Variants in DUSP11 observed in about 807,000 individuals in gnomAD.
DUSP11 encodes the protein RNA/RNP complex-1-interacting phosphatase.
Under a neutral mutation model 41.4 loss-of-function variants are expected in DUSP11, and 27 were observed. The ratio of observed to expected loss-of-function variants is 0.65; its 90% CI spans 0.48 to 0.90. The LOEUF (loss-of-function observed/expected upper bound fraction) is 0.90. Among genes scored for constraint, DUSP11 ranks in the 40% least tolerant of loss-of-function variants. The probability of loss-of-function intolerance (pLI) is 0.00; values close to 1 mark genes in which losing one functional copy is unlikely to be tolerated. For synonymous variants in DUSP11, 188 were observed against 159.3 expected (o/e 1.18, Z -1.35); for missense variants, 465 against 461.1 (o/e 1.01, Z -0.08).
exon 3 of DUSP11, chr2:73,774,978 C>T: frequency 6.2e-7 from 1 of 1,612,222 alleles, no homozygotes; most frequent in Non-Finnish European, 8.5e-7. Flanking sequence ...TCATTTTGTT[C>T]TCGGATTTTG....
chr2:73,766,340 A>G, intron 8 of DUSP11, 78 bp downstream of exon 8: 1 of 1,236,388 alleles, frequency 8.1e-7, no homozygotes, highest in Non-Finnish European at 1.1e-6. Context: ...ATTCCTCATC[A>G]GTATCATAAT....
At chr2:73,769,377 T>G in intron 4 of DUSP11, 52 bp from the exon 5 acceptor site, 1 of 1,283,564 alleles carries the variant, frequency 7.8e-7, no homozygotes, top group Non-Finnish European at 1.1e-6. Flanking sequence ...CACAAGTATA[T>G]AACATTATCA....
chr2:73,765,564 C>T (rs1018675832), intron 8 of DUSP11, among the ~76,000 whole-genome samples: 3 of 151,244 alleles, frequency 2.0e-5, no homozygotes, highest in African/African-American at 7.3e-5. Context: ...ACCCATCCAC[C>T]CATCCATCTA....
exon 1 of DUSP11, chr2:73,780,077 G>C: frequency 3.2e-6 from 5 of 1,586,878 alleles, no homozygotes; most frequent in East Asian, 2.3e-5. Context: ...AGACTCGGCA[G>C]CCACCTACGC....
intron 2 of DUSP11, among the ~76,000 whole-genome samples, chr2:73,776,567 T>C (rs988888656): frequency 6.6e-6 from 1 of 152,012 alleles, no homozygotes; most frequent in Non-Finnish European, 1.5e-5. Flanking sequence ...GTGTGGTCCA[T>C]TTGTTACAAA....
At chr2:73,766,574 G>T (rs759583420) in exon 8 of DUSP11, 1 of 1,608,206 alleles carries the variant, frequency 6.2e-7, no homozygotes, top group African/African-American at 1.3e-5. Flanking sequence ...ACTTGACCTG[G>T]GTACACTGGA....
At chr2:73,778,186 G>C in intron 2 of DUSP11, 115 bp downstream of exon 2, 1 of 633,010 alleles carries the variant, frequency 1.6e-6, no homozygotes, top group Non-Finnish European at 2.6e-6. Context: ...TAGTAAAGGG[G>C]TCATTACAAA....
chr2:73,762,695 A>G (rs1672385797), exon 9 of DUSP11: 1 of 1,613,386 alleles, frequency 6.2e-7, no homozygotes, highest in Non-Finnish European at 8.5e-7. Flanking sequence ...TGGATAGGAG[A>G]GTCTGGAGTA....
chr2:73,774,159 AG>A (rs2103943966), intron 3 of DUSP11, among the ~76,000 whole-genome samples: 1 of 152,366 alleles, frequency 6.6e-6, no homozygotes, highest in African/African-American at 2.4e-5. Context: ...CAAAACTGAA[AG>A]CAAATTCCAT....
Position 73,774,894 on chromosome 2 carries a change from A to AT in DUSP11, c.450+18dup, listed in dbSNP as rs375284604. The AT allele has an allele frequency of 7.8e-3, 11,780 of 1,509,560 alleles. 67 individuals are homozygous for AT. Among genetic ancestry groups the AT allele is most frequent in the Non-Finnish European group, 9.6e-3 (10,841 of 1,124,870 alleles). 93.5% of individuals were successfully genotyped at this position (1,509,560 alleles called of 1,614,324 possible). A position where few individuals can be genotyped will look rare whatever the true frequency, so the allele number is the denominator to read the frequency against. On this transcript the variant is annotated intron_variant, in intron 3 of 8. Transcript: ENST00000272444. Reference sequence around the variant, plus strand: ...GATCAGAAGGAAGAAAGTTCTTTTCATTGAAGGGTTCCACTTACCTCTGGT... The same window carrying AT: ...GATCAGAAGGAAGAAAGTTCTTTTCATTTGAAGGGTTCCACTTACCTCTGGT...
At chr2:73,773,545 CTCAT>C in intron 4 of DUSP11, 1 of 384,872 alleles carries the variant, frequency 2.6e-6, no homozygotes, top group Non-Finnish European at 4.8e-6. Context: ...TTATATATTT[CTCAT>C]TCAAATTAAA....
chr2:73,762,436 C>A, exon 9 of DUSP11: 1 of 334,704 alleles, frequency 3.0e-6, no homozygotes, highest in African/African-American at 2.1e-5. Flanking sequence ...ATATTGTCTT[C>A]TTTTAGAAAA....
chr2:73,768,636 G>A, intron 5 of DUSP11: 1 of 985,338 alleles, frequency 1.0e-6, no homozygotes, highest in Non-Finnish European at 1.2e-6. Context: ...TCATCGGTGT[G>A]CAAAGAACAA....
chr2:73,773,473 T>A (rs1210558149), intron 4 of DUSP11: 2 of 384,400 alleles, frequency 5.2e-6, no homozygotes, highest in African/African-American at 2.2e-5. Flanking sequence ...CAGAGTTTTT[T>A]AATCTTTTCT....
chr2:73,778,254 T>C (rs774408546), intron 2 of DUSP11, 47 bp downstream of exon 2: 5 of 1,300,594 alleles, frequency 3.8e-6, no homozygotes, highest in East Asian at 5.0e-5. Context: ...GTGTTCTGCA[T>C]GGTGAACTCA....
chr2:73,778,782 T>C (rs1037590816), intron 1 of DUSP11, among the ~76,000 whole-genome samples: 8 of 152,180 alleles, frequency 5.3e-5, no homozygotes, highest in African/African-American at 1.9e-4. Context: ...AAAGTTCAAT[T>C]AGTAGGAAAC....
intron 2 of DUSP11, among the ~76,000 whole-genome samples, chr2:73,776,028 A>G (rs1419822342): frequency 3.3e-5 from 5 of 152,036 alleles, no homozygotes; most frequent in East Asian, 3.9e-4. Context: ...ATTGCTGAAT[A>G]TTCTTTTATG....
In DUSP11 at chr2:73,767,247, A is replaced by AC. The variant is rs1672482792; in HGVS notation, c.636-41_636-40insG. On this transcript the variant is annotated intron_variant, in intron 5 of 8. Transcript: ENST00000272444. ...TAATTTGGGTCATTTATATACGAAA[A>AC]GAAAAAAATCAAGTTTTTTCAAAAA... 3 of 1,547,388 alleles carry AC rather than the reference A, an allele frequency of 1.9e-6. No homozygotes were observed. In the South Asian group the frequency reaches 3.5e-5, roughly 18 times the overall value.
intron 4 of DUSP11, among the ~76,000 whole-genome samples, chr2:73,769,957 T>A (rs1323515020): frequency 3.3e-5 from 5 of 152,140 alleles, no homozygotes; most frequent in African/African-American, 9.7e-5. Flanking sequence ...TCCATCTTTT[T>A]AAAAAATTAC....
Sources: gnomAD v4.1 joint callset for allele counts (sites outside exome capture counted in the v4.1 genomes callset) on GRCh38, gnomAD v4.1.1 for gene constraint, MANE v1.5 for transcripts, NCBI Gene and HGNC (gene_info 2026-07-23, HGNC 2026-07-21) for gene names.